The following ZSCAN31 variants were observed in gnomAD, a reference collection of about 807,000 sequenced individuals.
The protein encoded by ZSCAN31 is zinc finger and SCAN domain-containing protein 31.
A neutral mutation model predicts 22.5 loss-of-function variants in ZSCAN31; 14 were observed. The observed-to-expected ratio is 0.62, with a 90% CI of 0.41 to 0.97. The LOEUF is 0.97. Ranked by LOEUF, ZSCAN31 falls within the 50% of genes least tolerant of loss-of-function variation. ZSCAN31 has a pLI of 0.00. For missense variants in ZSCAN31, 424 were observed against 483.4 expected, an observed-to-expected ratio of 0.88 and a Z score of 1.15; for synonymous variants, 168 against 169.8, an observed-to-expected ratio of 0.99 and a Z score of 0.08.
At chr6:28,338,648 C>A (rs1163852894), upstream of ZSCAN31, among the ~76,000 whole-genome samples, 1 of 152,020 alleles carries the variant, frequency 6.6e-6, no homozygotes, top group African/African-American at 2.4e-5. Flanking sequence ...ATTTTAAAGT[C>A]TTCCAAATAT....
At chr6:28,328,921 C>T (rs139852863) in intron 2 of ZSCAN31, among the ~76,000 whole-genome samples, 65 of 152,302 alleles carry the variant, frequency 4.3e-4, no homozygotes, top group Admixed American at 4.1e-3. Flanking sequence ...TGACTTCCCG[C>T]AACAAAAAAG....
upstream of ZSCAN31, among the ~76,000 whole-genome samples, chr6:28,338,374 TC>T (rs561131773): frequency 9.2e-5 from 14 of 152,194 alleles, no homozygotes; most frequent in South Asian, 2.5e-3. Flanking sequence ...CAGAGTGAGA[TC>T]CCATCTCGAA....
upstream of ZSCAN31, chr6:28,356,268 C>G (rs950157098): frequency 6.6e-6 from 1 of 152,260 alleles, no homozygotes; most frequent in African/African-American, 2.4e-5. Flanking sequence ...AGTTGCCCAG[C>G]AATGTCCTTT....
chr6:28,326,720 C>CT lies in ZSCAN31; in HGVS notation c.666dup (p.Asp223ArgfsTer21), dbSNP rs750485801. The CT allele has an allele frequency of 1.9e-6, 3 of 1,614,150 alleles. No homozygotes were observed. The Admixed American group carries it at 5.0e-5, about 27-fold the overall frequency. On this transcript the variant is annotated frameshift_variant, in exon 4 of 4. Coordinates refer to ENST00000344279, the MANE Select transcript of ZSCAN31 (RefSeq NM_030899.5). LOFTEE classifies it low-confidence loss of function (END_TRUNC). ...GCCTGCTGCTTTTCTGCCTTGCTGT[C>CT]TCGTTTACAAGTTTCTCTGTACTTA...
chr6:28,341,957 T>C (rs558877562), intron 2 of ZSCAN31, among the ~76,000 whole-genome samples: 1 of 152,296 alleles, frequency 6.6e-6, no homozygotes, highest in East Asian at 1.9e-4. Context: ...ATTTTTTTTT[T>C]AGAATTTAGG....
At position 28,342,837 on chromosome 6, in the gene ZSCAN31, G is replaced by C. The variant is rs375889637; in HGVS notation, c.-370-1045C>G. The stretch of plus-strand genomic sequence containing the variant: ...ACAGCTAGTTCTCAGAACTGGCTGT[G>C]TCCCGAAGAGGAAAGACCATGTAGC... On this transcript the variant is annotated intron_variant, in intron 2 of 7. Transcript: ENST00000396838. Among the ~76,000 whole-genome samples, 3 of 152,310 alleles carry C rather than the reference G, an allele frequency of 2.0e-5. No homozygotes were observed. In the South Asian group the frequency reaches 6.2e-4, roughly 32 times the overall value.
In ZSCAN31 at chr6:28,326,397, C is replaced by T; in HGVS notation, c.990G>A (p.Lys330=). ...EKPYECKVCG[K]AFLLSSCLVQ... is the part of the protein sequence containing the mutation. ...CAAGGCATGAGCTGAGGAGGAAAGC[C>T]TTCCCACACACTTTGCATTCATATG... is the stretch of plus-strand genomic sequence containing the variant. The change falls in exon 4 of 4, where the codon AAG becomes AAA. Residue 330 remains lysine (K), a synonymous_variant. Transcript: ENST00000344279. 6.2e-7 allele frequency: 1 copy of T among 1,614,168 alleles called. No homozygotes were observed. The highest frequency in any genetic ancestry group is 8.5e-7 in the Non-Finnish European group (1 of 1,180,006).
intron 2 of ZSCAN31, among the ~76,000 whole-genome samples, chr6:28,328,171 G>A (rs532113733): frequency 2.6e-4 from 40 of 152,346 alleles, no homozygotes; most frequent in Admixed American, 1.4e-3. Flanking sequence ...GGACCAAGGC[G>A]AAATTAAAAT....
chr6:28,348,181 A>T (rs6942030), intron 2 of ZSCAN31, among the ~76,000 whole-genome samples: 61,659 of 151,894 alleles, frequency 0.41, 15,724 homozygotes, highest in African/African-American at 0.72. Flanking sequence ...AATTGTCTTT[A>T]CCATTAGTTT....
At chr6:28,342,499 ACTAT>A (rs1431995016) in intron 2 of ZSCAN31, among the ~76,000 whole-genome samples, 2 of 152,184 alleles carry the variant, frequency 1.3e-5, no homozygotes, top group African/African-American at 2.4e-5. Context: ...GAGTAAAAAC[ACTAT>A]CTACCAAAGT....
chr6:28,335,749 T>G (rs1764113532), intron 1 of ZSCAN31: 1 of 152,214 alleles, frequency 6.6e-6, no homozygotes, highest in Non-Finnish European at 1.5e-5. Context: ...GGCCCCATAA[T>G]GGGTACTCCC....
chr6:28,352,097 A>G (rs887604417), intron 2 of ZSCAN31, among the ~76,000 whole-genome samples: 3 of 151,806 alleles, frequency 2.0e-5, no homozygotes, highest in Non-Finnish European at 4.4e-5. Context: ...GACAGTTCCC[A>G]TTCCCTCCCA....
chr6:28,342,644 G>A (rs552374743), intron 2 of ZSCAN31, among the ~76,000 whole-genome samples: 2 of 152,216 alleles, frequency 1.3e-5, no homozygotes, highest in South Asian at 4.2e-4. Flanking sequence ...CAAGATAGAG[G>A]CACTCTACTA....
In ZSCAN31 at chr6:28,329,296, C is replaced by T; in HGVS notation, c.381+7G>A. The stretch of plus-strand genomic sequence containing the variant: ...TAATGTCTAGAAGTCCATCTTTCTC[C>T]TCTCACCTGGTTCCCTGGCTCACTA... On this transcript the variant is annotated splice_region_variant and intron_variant, in intron 2 of 3. Coordinates refer to ENST00000344279, the MANE Select transcript of ZSCAN31 (RefSeq NM_030899.5). 1 of 1,560,694 alleles carries T rather than the reference C, an allele frequency of 6.4e-7. No individual in the cohort carries two copies. The highest frequency in any genetic ancestry group is 8.6e-7 in the Non-Finnish European group (1 of 1,158,468).
chr6:28,342,140 G>A (rs1421164062), intron 2 of ZSCAN31, among the ~76,000 whole-genome samples: 1 of 152,200 alleles, frequency 6.6e-6, no homozygotes, highest in Non-Finnish European at 1.5e-5. Flanking sequence ...GGCAGCAAAG[G>A]CTGAGGATCA....
chr6:28,353,068 A>G (rs2113894329), intron 2 of ZSCAN31, among the ~76,000 whole-genome samples: 1 of 151,168 alleles, frequency 6.6e-6, no homozygotes, highest in Non-Finnish European at 1.5e-5. Flanking sequence ...TTCCGGGTTC[A>G]AGCGATTCTC....
At chr6:28,356,211 C>T (rs1242821317), upstream of ZSCAN31, 1 of 152,276 alleles carries the variant, frequency 6.6e-6, no homozygotes, top group African/African-American at 2.4e-5. Context: ...ACATTTCTGC[C>T]TGACTGCAGC....
Position 28,326,135 on chromosome 6 carries a change from A to G in ZSCAN31, c.*31T>C. On this transcript the variant is annotated 3_prime_UTR_variant, in exon 4 of 4. Transcript: ENST00000344279. ...TAAAATGCCTAATAAGGTTGCAATG[A>G]TGACTGAAGGCTTTCCCAAACTCAT... The G allele has an allele frequency of 1.3e-6, 2 of 1,559,618 alleles. No individual in the cohort carries two copies. Among genetic ancestry groups the G allele is most frequent in the Non-Finnish European group, 1.7e-6 (2 of 1,149,620 alleles).
upstream of ZSCAN31, among the ~76,000 whole-genome samples, chr6:28,340,735 G>C (rs1369005403): frequency 6.6e-6 from 1 of 152,028 alleles, no homozygotes; most frequent in African/African-American, 2.4e-5. Flanking sequence ...TATTATTTTT[G>C]CTTTAAATGA....
Sources: allele counts gnomAD v4.1 joint callset (sites outside exome capture counted in the v4.1 genomes callset), GRCh38; gene constraint gnomAD v4.1.1; transcripts MANE v1.5; gene names NCBI Gene and HGNC (gene_info 2026-07-23, HGNC 2026-07-21).